Variants in TMEM132C observed in about 807,000 individuals in gnomAD.
TMEM132C encodes the protein transmembrane protein 132C.
In TMEM132C, 29 loss-of-function variants were observed where a neutral mutation model predicts 61.4. That is an observed-to-expected ratio of 0.47 (90% CI 0.35 to 0.64). The LOEUF (loss-of-function observed/expected upper bound fraction) is 0.64, where lower values mean the gene tolerates loss of function less well. TMEM132C is among the 30% of genes least tolerant of loss of function. The pLI, the probability that TMEM132C is intolerant of heterozygous loss-of-function variation, is 0.00. For synonymous variants in TMEM132C, 656 were observed against 633.1 expected (o/e 1.04, Z -0.54); for missense variants, 1,408 against 1,476.9 (o/e 0.95, Z 0.76).
intron 1 of TMEM132C, among the ~76,000 whole-genome samples, chr12:128,352,330 T>G (rs1334158528): frequency 6.6e-6 from 1 of 152,038 alleles, no homozygotes; most frequent in African/African-American, 2.4e-5. Flanking sequence ...GGAAAGCCCC[T>G]CATAAAACCA....
At chr12:128,669,016 A>G (rs1954504070) in intron 4 of TMEM132C, among the ~76,000 whole-genome samples, 1 of 152,214 alleles carries the variant, frequency 6.6e-6, no homozygotes, top group Non-Finnish European at 1.5e-5. Context: ...TAGAGCATGG[A>G]TATCTTTTGC....
At chr12:128,456,221 A>C (rs1290355172) in intron 2 of TMEM132C, among the ~76,000 whole-genome samples, 3 of 151,992 alleles carry the variant, frequency 2.0e-5, no homozygotes, top group Non-Finnish European at 2.9e-5. Flanking sequence ...CAGACACACA[A>C]AGACTAAATC....
intron 3 of TMEM132C, among the ~76,000 whole-genome samples, chr12:128,549,379 C>G (rs1292382614): frequency 6.6e-6 from 1 of 152,014 alleles, no homozygotes; most frequent in Non-Finnish European, 1.5e-5. Context: ...GGAGGGAGTG[C>G]GTGCTGCACT....
intron 3 of TMEM132C, among the ~76,000 whole-genome samples, chr12:128,544,391 T>C (rs1325680056): frequency 6.6e-6 from 1 of 152,248 alleles, no homozygotes; most frequent in Admixed American, 6.5e-5. Flanking sequence ...ACTGACTTTC[T>C]GGGGGCCTTG....
intron 1 of TMEM132C, among the ~76,000 whole-genome samples, chr12:128,287,992 G>C (rs933571707): frequency 6.6e-6 from 1 of 151,554 alleles, no homozygotes; most frequent in Non-Finnish European, 1.5e-5. Context: ...TGGGATGATT[G>C]TGTGTTTGGT....
chr12:128,544,551 G>T (rs1198141629), intron 3 of TMEM132C, among the ~76,000 whole-genome samples: 1 of 152,222 alleles, frequency 6.6e-6, no homozygotes, highest in Non-Finnish European at 1.5e-5. Flanking sequence ...GAGATTCACT[G>T]TAGACATCCT....
intron 3 of TMEM132C, among the ~76,000 whole-genome samples, chr12:128,602,623 G>T (rs184488741): frequency 1.1e-3 from 169 of 152,308 alleles, no homozygotes; most frequent in African/African-American, 3.7e-3. Flanking sequence ...CAAGTACATG[G>T]TCTGTGCCAT....
At chr12:128,470,339 T>TA (rs2136079791) in intron 2 of TMEM132C, among the ~76,000 whole-genome samples, 3 of 152,344 alleles carry the variant, frequency 2.0e-5, no homozygotes, top group Admixed American at 2.0e-4. Context: ...AATTTCCTGT[T>TA]ATTCCTAGAC....
chr12:128,587,869 A>G (rs1875606548), intron 3 of TMEM132C, among the ~76,000 whole-genome samples: 1 of 152,228 alleles, frequency 6.6e-6, no homozygotes, highest in Non-Finnish European at 1.5e-5. Flanking sequence ...TAACAGAACA[A>G]TAGTTACCTC....
Position 128,693,827 on chromosome 12 carries a change from A to T in TMEM132C, c.1450-2A>T. ...CCATCCTTTCTCCCTCTGTCTTTGC[A>T]GGTGTCTGAGCGCTGTGACTACATC... On this transcript the variant is annotated splice_acceptor_variant, in intron 5 of 8. Coordinates refer to ENST00000435159, the MANE Select transcript of TMEM132C (RefSeq NM_001136103.3). LOFTEE classifies it high-confidence loss of function. 1 of 1,551,746 alleles carries T rather than the reference A, an allele frequency of 6.4e-7. No individual in the cohort carries two copies. Among genetic ancestry groups the T allele is most frequent in the Non-Finnish European group, 8.7e-7 (1 of 1,146,988 alleles).
chr12:128,471,162 C>T (rs1466595956), intron 2 of TMEM132C, among the ~76,000 whole-genome samples: 3 of 152,196 alleles, frequency 2.0e-5, no homozygotes, highest in African/African-American at 7.2e-5. Context: ...CCAGATGTCT[C>T]CAGATACTCC....
chr12:128,331,181 TC>T (rs1872656980), intron 1 of TMEM132C, among the ~76,000 whole-genome samples: 1 of 149,862 alleles, frequency 6.7e-6, no homozygotes, highest in Non-Finnish European at 1.5e-5. Context: ...CCTCCCTCCA[TC>T]CCCATCTCTA....
At chr12:128,506,350 A>G (rs1040434620) in intron 2 of TMEM132C, among the ~76,000 whole-genome samples, 2 of 152,182 alleles carry the variant, frequency 1.3e-5, no homozygotes, top group East Asian at 3.9e-4. Flanking sequence ...TCCTTCCAAA[A>G]AGAGGCAGGT....
At chr12:128,412,691 A>T (rs747906439) in intron 1 of TMEM132C, among the ~76,000 whole-genome samples, 13 of 152,152 alleles carry the variant, frequency 8.5e-5, no homozygotes, top group Non-Finnish European at 1.5e-4. Flanking sequence ...CCTCCCAGCC[A>T]TGTGGTACTG....
At chr12:128,586,992 T>G (rs1875571575) in intron 3 of TMEM132C, among the ~76,000 whole-genome samples, 1 of 152,214 alleles carries the variant, frequency 6.6e-6, no homozygotes, top group Admixed American at 6.5e-5. Flanking sequence ...CGTTTTCACT[T>G]AGAGCCATAT....
At chr12:128,398,157 C>T (rs1281737156) in intron 1 of TMEM132C, among the ~76,000 whole-genome samples, 1 of 152,264 alleles carries the variant, frequency 6.6e-6, no homozygotes, top group Admixed American at 6.5e-5. Context: ...CAGCCTGGCT[C>T]AAGCCATGGA....
intron 2 of TMEM132C, among the ~76,000 whole-genome samples, chr12:128,443,854 T>G (rs1308979788): frequency 6.6e-6 from 1 of 152,238 alleles, no homozygotes; most frequent in Non-Finnish European, 1.5e-5. Context: ...AAAGTGGGCT[T>G]CTTCCTGCCA....
At chr12:128,680,895 G>A (rs1234202311) in intron 5 of TMEM132C, among the ~76,000 whole-genome samples, 1 of 152,224 alleles carries the variant, frequency 6.6e-6, no homozygotes, top group Non-Finnish European at 1.5e-5. Context: ...GGAAAGAGAA[G>A]TTTTTAAGTC....
chr12:128,669,406 CT>C lies in TMEM132C; in HGVS notation c.1306-6del. 6.4e-7 allele frequency: 1 copy of C among 1,551,304 alleles called. No homozygotes were observed. The highest frequency in any genetic ancestry group is 8.7e-7 in the Non-Finnish European group (1 of 1,146,822). On this transcript the variant is annotated splice_polypyrimidine_tract_variant and intron_variant, in intron 4 of 8. Coordinates refer to ENST00000435159, the MANE Select transcript of TMEM132C (RefSeq NM_001136103.3). ...CTCCCTTGACCCAGTGTGTTTGATTCTTTTTGGCAGGACACTGAAATTCTGA... is the reference window on the plus strand; with the variant it reads ...CTCCCTTGACCCAGTGTGTTTGATTCTTTTGGCAGGACACTGAAATTCTGA...
Sources: allele counts gnomAD v4.1 joint callset (sites outside exome capture counted in the v4.1 genomes callset), GRCh38; gene constraint gnomAD v4.1.1; transcripts MANE v1.5; gene names NCBI Gene and HGNC (gene_info 2026-07-23, HGNC 2026-07-21).